Variants in RBMS3 observed in about 807,000 individuals in gnomAD.
The protein encoded by RBMS3 is RNA binding motif single stranded interacting protein 3.
RBMS3 carries 27 observed loss-of-function variants against 66.8 expected under a neutral mutation model. The ratio of observed to expected loss-of-function variants is 0.40; its 90% confidence interval spans 0.30 to 0.56. The LOEUF (loss-of-function observed/expected upper bound fraction) is 0.56, where lower values mean the gene tolerates loss of function less well. RBMS3 is among the 20% of genes least tolerant of loss of function. The pLI is 0.40. For synonymous variants in RBMS3, 188 were observed against 183.0 expected, an observed-to-expected ratio of 1.03 and a Z score of -0.22; for missense variants, 513 against 549.5, an observed-to-expected ratio of 0.93 and a Z score of 0.66.
intron 1 of RBMS3, among the ~76,000 whole-genome samples, chr3:29,406,382 G>T (rs953210353): frequency 6.6e-6 from 1 of 152,176 alleles, no homozygotes. Context: ...TGTACTAAAA[G>T]CTATGACTGT....
intron 2 of RBMS3, among the ~76,000 whole-genome samples, chr3:29,460,749 T>C (rs1445268715): frequency 2.6e-5 from 4 of 152,222 alleles, no homozygotes; most frequent in African/African-American, 9.6e-5. Context: ...ATAATGTGCT[T>C]CGCAGCCCTC....
At chr3:29,559,999 A>T (rs2046493900) in intron 3 of RBMS3, among the ~76,000 whole-genome samples, 1 of 152,196 alleles carries the variant, frequency 6.6e-6, no homozygotes, top group Non-Finnish European at 1.5e-5. Context: ...AGTGCATTAC[A>T]TCCTCACTTA....
At chr3:29,973,556 A>G (rs575526626) in intron 12 of RBMS3, among the ~76,000 whole-genome samples, 1 of 152,036 alleles carries the variant, frequency 6.6e-6, no homozygotes, top group African/African-American at 2.4e-5. Flanking sequence ...TCAACATAAT[A>G]CTTGGCATAT....
chr3:29,507,361 G>T (rs2044222113), intron 3 of RBMS3, among the ~76,000 whole-genome samples: 1 of 151,840 alleles, frequency 6.6e-6, no homozygotes, highest in Non-Finnish European at 1.5e-5. Flanking sequence ...TGAAAACTTG[G>T]AAATAACCTA....
chr3:29,440,320 T>C (rs1048956825), intron 2 of RBMS3, among the ~76,000 whole-genome samples: 2 of 152,132 alleles, frequency 1.3e-5, no homozygotes, highest in Admixed American at 6.6e-5. Context: ...TTGCCCCCAC[T>C]TTCCTGTGAT....
At chr3:29,603,660 A>G (rs2048225649) in intron 4 of RBMS3, among the ~76,000 whole-genome samples, 1 of 151,980 alleles carries the variant, frequency 6.6e-6, no homozygotes, top group Admixed American at 6.6e-5. Flanking sequence ...AGCATAAAGC[A>G]TATGCATAGA....
chr3:29,910,140 C>CT (rs1288891336), intron 10 of RBMS3, among the ~76,000 whole-genome samples: 1 of 152,022 alleles, frequency 6.6e-6, no homozygotes, highest in Non-Finnish European at 1.5e-5. Flanking sequence ...AATATCCAAT[C>CT]TATTAAATTC....
At chr3:29,581,217 T>G (rs997419572) in intron 3 of RBMS3, among the ~76,000 whole-genome samples, 9 of 152,202 alleles carry the variant, frequency 5.9e-5, no homozygotes, top group Non-Finnish European at 1.2e-4. Context: ...CAAAAGAAGA[T>G]ACTGAAGAAA....
intron 14 of RBMS3, 124 bp from the exon 15 acceptor site, chr3:30,003,732 T>C: frequency 1.7e-6 from 1 of 584,944 alleles, no homozygotes; most frequent in Non-Finnish European, 2.7e-6. Context: ...TTTATGATGC[T>C]TTTGTGACTA....
intron 3 of RBMS3, among the ~76,000 whole-genome samples, chr3:29,553,714 A>G (rs2046251927): frequency 6.6e-6 from 1 of 151,908 alleles, no homozygotes; most frequent in Non-Finnish European, 1.5e-5. Flanking sequence ...ATTCATTATG[A>G]ATGTCTCGAT....
chr3:29,337,652 T>TA (rs1373155517), intron 1 of RBMS3, among the ~76,000 whole-genome samples: 2 of 151,816 alleles, frequency 1.3e-5, no homozygotes, highest in East Asian at 1.9e-4. Context: ...TGTCTAATTT[T>TA]AAAAAAAGAC....
intron 12 of RBMS3, among the ~76,000 whole-genome samples, chr3:29,944,872 G>C (rs938979775): frequency 6.6e-6 from 1 of 151,694 alleles, no homozygotes; most frequent in African/African-American, 2.4e-5. Flanking sequence ...AAATATGTTA[G>C]TGTCTTGAGG....
chr3:29,948,420 G>C (rs1375823109), intron 12 of RBMS3, among the ~76,000 whole-genome samples: 1 of 151,784 alleles, frequency 6.6e-6, no homozygotes, highest in African/African-American at 2.4e-5. Flanking sequence ...GAGAATTGCT[G>C]TGTGAAACTA....
At chr3:29,353,933 T>G (rs2037068499) in intron 1 of RBMS3, among the ~76,000 whole-genome samples, 1 of 152,118 alleles carries the variant, frequency 6.6e-6, no homozygotes, top group South Asian at 2.1e-4. Context: ...GCATTTGAAC[T>G]CTACAGCATT....
intron 8 of RBMS3, among the ~76,000 whole-genome samples, chr3:29,884,475 C>A (rs1478635368): frequency 9.9e-6 from 1 of 100,524 alleles, no homozygotes; most frequent in Non-Finnish European, 2.0e-5. Flanking sequence ...TCTCTCCCCC[C>A]CCGCTCCCTC....
chr3:29,874,211 G>A (rs971552762), intron 7 of RBMS3, among the ~76,000 whole-genome samples: 1 of 152,144 alleles, frequency 6.6e-6, no homozygotes, highest in African/African-American at 2.4e-5. Context: ...CATATGGGGT[G>A]CAATTGAATT....
intron 4 of RBMS3, among the ~76,000 whole-genome samples, chr3:29,662,118 A>G (rs2050576646): frequency 6.6e-6 from 1 of 152,150 alleles, no homozygotes; most frequent in South Asian, 2.1e-4. Flanking sequence ...TTAAGGGTTC[A>G]TTTATAGGGG....
At chr3:29,944,344 C>G in intron 12 of RBMS3, 90 bp downstream of exon 12, 1 of 1,142,152 alleles carries the variant, frequency 8.8e-7, no homozygotes, top group Non-Finnish European at 1.3e-6. Flanking sequence ...AGCAGTGATT[C>G]TCAACAGAGG....
At chr3:29,477,669 TAGCTACTTGGGGATG>T (rs1372858738) in intron 2 of RBMS3, among the ~76,000 whole-genome samples, 1 of 150,986 alleles carries the variant, frequency 6.6e-6, no homozygotes, top group East Asian at 2.0e-4. Flanking sequence ...CAATTAAAAT[TAGCTACTTGGGGATG>T]AGAAAAAAAA....
Sources: allele counts gnomAD v4.1 joint callset (sites outside exome capture counted in the v4.1 genomes callset), GRCh38; gene constraint gnomAD v4.1.1; transcripts MANE v1.5; gene names NCBI Gene and HGNC (gene_info 2026-07-23, HGNC 2026-07-21).